ARHGAP9: variants seen among roughly 807,000 people sequenced by gnomAD.
ARHGAP9 encodes the protein rho GTPase-activating protein 9.
ARHGAP9 carries 76 observed loss-of-function variants against 87.3 expected under a neutral mutation model. The observed-to-expected ratio is 0.87, with a 90% CI of 0.72 to 1.05. ARHGAP9 has a LOEUF of 1.05. Ranked by LOEUF, ARHGAP9 falls within the 50% of genes least tolerant of loss-of-function variation. The pLI, the probability that ARHGAP9 is intolerant of heterozygous loss-of-function variation, is 0.00. For synonymous variants in ARHGAP9, 382 were observed against 394.9 expected (o/e 0.97, Z 0.39); for missense variants, 941 against 960.5 (o/e 0.98, Z 0.27).
At chr12:57,488,143 C>T in intron 1 of ARHGAP9, 1 of 1,614,184 alleles carries the variant, frequency 6.2e-7, no homozygotes. Context: ...GTGCTGGCCG[C>T]CGCCGGGAGA....
At chr12:57,480,973 T>C (rs1874946974), upstream of ARHGAP9, 1 of 747,024 alleles carries the variant, frequency 1.3e-6, no homozygotes, top group East Asian at 2.7e-5. Flanking sequence ...TTTACTTCAC[T>C]TCAACACATG....
intron 1 of ARHGAP9, chr12:57,488,437 C>G (rs1284434076): frequency 1.1e-6 from 1 of 883,540 alleles, no homozygotes; most frequent in Non-Finnish European, 1.7e-6. Context: ...TCCGTCTTCC[C>G]GGTCCCCGCC....
At position 57,476,151 on chromosome 12, in the gene ARHGAP9, G is replaced by C. The variant is rs1305961334; in HGVS notation, c.1132C>G (p.Arg378Gly). The stretch of plus-strand genomic sequence containing the variant: ...CGCAGGTCCACGCTACTTTCGGGCC[G>C]GCTACCCGCTGGTCCCTGACAATGA... ...PSSGWGPAGSRPESSVDLRGA... is the reference protein window; with the variant it reads ...PSSGWGPAGSGPESSVDLRGA... Residue 378 changes from arginine (R) to glycine (G), a missense_variant, in exon 9 of 18, where the codon CGG (arginine) becomes GGG (glycine). By Grantham distance (125) the Arg-to-Gly change is moderately radical. Coordinates refer to ENST00000393791, the MANE Select transcript of ARHGAP9 (RefSeq NM_032496.4). 1.3e-6 allele frequency: 2 copies of C among 1,542,372 alleles called. No homozygotes were observed. The highest frequency in any genetic ancestry group is 1.7e-6 in the Non-Finnish European group (2 of 1,143,384).
chr12:57,476,328 G>GC, intron 8 of ARHGAP9, 36 bp downstream of exon 8: 1 of 1,604,018 alleles, frequency 6.2e-7, no homozygotes, highest in Non-Finnish European at 8.5e-7. Context: ...GGTAGGCAGC[G>GC]CCCGCACCCA....
intron 3 of ARHGAP9, 114 bp downstream of exon 3, chr12:57,478,426 T>G: frequency 3.8e-6 from 4 of 1,058,040 alleles, no homozygotes; most frequent in Non-Finnish European, 5.6e-6. Context: ...GTACCAAGCG[T>G]TATCTTATTT....
At position 57,477,465 on chromosome 12, in the gene ARHGAP9, G is replaced by T. The variant is rs201209438; in HGVS notation, c.750C>A (p.Ser250Arg). 23 of 1,614,026 alleles carry T rather than the reference G, an allele frequency of 1.4e-5. No homozygotes were observed. Among genetic ancestry groups the T allele is most frequent in the East Asian group, 2.2e-5 (1 of 44,882 alleles). The change falls in exon 4 of 18, where the codon AGC (serine) becomes AGA (arginine). Residue 250 changes from serine to arginine, a missense_variant. Transcript: ENST00000393791. ...KSWKPPRRSR[S>R]ETNPGSMEGT... ...GCAGGAGGTAAGGTCTCACCGTCTC[G>T]CTGCGACTGCGGCGCGGGGGCTTCC... is the stretch of plus-strand genomic sequence containing the variant.
chr12:57,488,230 T>TG lies in ARHGAP9; in HGVS notation c.-204+381dup, dbSNP rs766598952. 7.1e-5 allele frequency: 113 copies of TG among 1,584,368 alleles called. 1 individual carries two copies. Among genetic ancestry groups the TG allele is most frequent in the South Asian group, 5.5e-4 (50 of 90,348 alleles). ...CGTGCTGGTGCTGGTGGGCGGTGGATGGGGGGGCGGGACCGAAACACGCCA... is the reference window on the plus strand; with the variant it reads ...CGTGCTGGTGCTGGTGGGCGGTGGATGGGGGGGGCGGGACCGAAACACGCCA... On this transcript the variant is annotated intron_variant, in intron 1 of 20. Coordinates refer to the ARHGAP9 transcript ENST00000393797.
chr12:57,475,673 C>G (rs971772735), intron 10 of ARHGAP9, 58 bp from the exon 11 acceptor site: 12 of 1,580,706 alleles, frequency 7.6e-6, no homozygotes, highest in African/African-American at 2.7e-5. Context: ...GTATCCCTAG[C>G]TGGACTCTGA....
At chr12:57,488,266 A>C in intron 1 of ARHGAP9, 3 of 1,481,940 alleles carry the variant, frequency 2.0e-6, no homozygotes, top group South Asian at 1.2e-5. Context: ...GATTCTCTGC[A>C]GCTGTCTTTG....
At chr12:57,485,556 G>GAAA (rs71084757) in intron 1 of ARHGAP9, among the ~76,000 whole-genome samples, 50 of 132,422 alleles carry the variant, frequency 3.8e-4, no homozygotes, top group South Asian at 1.0e-3. Flanking sequence ...GACTCCATCT[G>GAAA]AAAAAAAAAA....
At position 57,477,679 on chromosome 12, in the gene ARHGAP9, G is replaced by T. The variant is rs747061405; in HGVS notation, c.536C>A (p.Ala179Glu). ...DLPSEASAST[A>E]GPQPLMSEPP... ...CTCTGACATGAGGGGCTGGGGGCCT[G>T]CCTGCCAGAAAAGGGGGAAGAAGGA... The change falls in exon 4 of 18, where the codon GCA becomes GAA. Residue 179 changes from alanine (A) to glutamate (E), a missense_variant and splice_region_variant. Transcript: ENST00000393791. 1.2e-6 allele frequency: 2 copies of T among 1,610,258 alleles called. No individual in the cohort carries two copies. The highest frequency in any genetic ancestry group is 4.5e-5 in the East Asian group (2 of 44,852).
At position 57,479,813 on chromosome 12, in the gene ARHGAP9, T is replaced by G. The variant is rs1281351315; in HGVS notation, c.-102A>C. On this transcript the variant is annotated 5_prime_UTR_variant, in exon 1 of 18. Transcript: ENST00000393791. ...TCTTGAGGTGGACACAGGAAGGAGA[T>G]AAGAAGAAAGAATCAGGTTCAAGAC... The G allele has an allele frequency of 6.5e-7, 1 of 1,529,938 alleles. No individual in the cohort carries two copies. The highest frequency in any genetic ancestry group is 2.5e-5 in the East Asian group (1 of 40,534). The allele number at this position is 1,529,938 out of a possible 1,614,324, so 94.8% of individuals were successfully genotyped here.
At position 57,476,063 on chromosome 12, in the gene ARHGAP9, G is replaced by A; in HGVS notation, c.1212+8C>T. 1.3e-6 allele frequency: 2 copies of A among 1,522,146 alleles called. No individual in the cohort carries two copies. The highest frequency in any genetic ancestry group is 2.1e-5 in the Admixed American group (1 of 48,566). The allele number at this position is 1,522,146 out of a possible 1,614,324, so 94.3% of individuals were successfully genotyped here. A position where few individuals can be genotyped will look rare whatever the true frequency, so the allele number is the denominator to read the frequency against. On this transcript the variant is annotated splice_region_variant and intron_variant, in intron 9 of 17. Coordinates refer to ENST00000393791, the MANE Select transcript of ARHGAP9 (RefSeq NM_032496.4). The stretch of plus-strand genomic sequence containing the variant: ...TGGGGCCTTGGGGACGCGCGGGAGG[G>A]CGCTCACGTGCAGGACGTTGCGGCG...
At chr12:57,478,395 T>A in intron 3 of ARHGAP9, 145 bp downstream of exon 3, 1 of 819,186 alleles carries the variant, frequency 1.2e-6, no homozygotes, top group East Asian at 2.7e-5. Context: ...CCACATTAAC[T>A]TGCCTTTAGA....
At chr12:57,483,350 C>A (rs1455170474), upstream of ARHGAP9, among the ~76,000 whole-genome samples, 2 of 152,176 alleles carry the variant, frequency 1.3e-5, no homozygotes. Context: ...CCCACAACTA[C>A]CACTCCTTTA....
chr12:57,478,490 G>C, intron 3 of ARHGAP9, 50 bp downstream of exon 3: 1 of 1,577,602 alleles, frequency 6.3e-7, no homozygotes, highest in South Asian at 1.1e-5. Context: ...CAGAGGTGCT[G>C]TCTGTCCTGT....
intron 1 of ARHGAP9, chr12:57,488,421 C>T (rs1015514410): frequency 7.6e-6 from 6 of 787,328 alleles, no homozygotes; most frequent in Non-Finnish European, 1.2e-5. Flanking sequence ...CTCTCTCCTC[C>T]CCTCTTCCGT....
At chr12:57,483,012 T>C (rs374648955), upstream of ARHGAP9, among the ~76,000 whole-genome samples, 67 of 151,386 alleles carry the variant, frequency 4.4e-4, 2 homozygotes, top group African/African-American at 1.6e-3. Flanking sequence ...GGTAGGAGAA[T>C]TGCTTGAACC....
At chr12:57,477,112 G>A (rs1277672609) in intron 5 of ARHGAP9, 44 bp downstream of exon 5, 37 of 1,597,034 alleles carry the variant, frequency 2.3e-5, no homozygotes, top group Non-Finnish European at 3.1e-5. Context: ...GTCATAACAA[G>A]CTGGCTTTTT....
Sources: allele counts gnomAD v4.1 joint callset (sites outside exome capture counted in the v4.1 genomes callset), GRCh38; gene constraint gnomAD v4.1.1; transcripts MANE v1.5; gene names NCBI Gene and HGNC (gene_info 2026-07-23, HGNC 2026-07-21).